The following GPHN variants were observed in gnomAD, a reference collection of about 807,000 sequenced individuals.
GPHN encodes gephyrin.
In GPHN, 17 loss-of-function variants were observed where a neutral mutation model predicts 95.5. That is an observed-to-expected ratio of 0.18 (90% confidence interval 0.12 to 0.27). The LOEUF is 0.27. GPHN is among the 10% of genes least tolerant of loss of function. The probability of loss-of-function intolerance (pLI) is 1.00; values close to 1 mark genes in which losing one functional copy is unlikely to be tolerated. For synonymous variants in GPHN, 320 were observed against 322.5 expected (o/e 0.99, Z 0.08); for missense variants, 660 against 978.1 (o/e 0.67, Z 4.34).
intron 21 of GPHN, among the ~76,000 whole-genome samples, chr14:67,179,342 T>C (rs928623172): frequency 1.3e-5 from 2 of 152,178 alleles, no homozygotes; most frequent in Admixed American, 1.3e-4. Context: ...GCTATGATCA[T>C]GCCACTGCAC....
At chr14:66,548,633 C>T (rs562751439) in intron 1 of GPHN, among the ~76,000 whole-genome samples, 4 of 152,140 alleles carry the variant, frequency 2.6e-5, no homozygotes, top group Non-Finnish European at 4.4e-5. Flanking sequence ...CAAAATATTC[C>T]CTGAGTATTG....
chr14:67,528,034 A>AT, the GPHN span, among the ~76,000 whole-genome samples: 2 of 152,206 alleles, frequency 1.3e-5, no homozygotes, highest in Admixed American at 6.5e-5. Context: ...CGGCAAGCAC[A>AT]TGATGAATGT....
intron 2 of GPHN, among the ~76,000 whole-genome samples, chr14:66,684,593 G>T (rs1013066511): frequency 6.6e-6 from 1 of 152,108 alleles, no homozygotes; most frequent in Non-Finnish European, 1.5e-5. Context: ...ACATACTCCA[G>T]TATTTTACTG....
chr14:67,419,653 G>GAGATC, the GPHN span, among the ~76,000 whole-genome samples: 1 of 152,140 alleles, frequency 6.6e-6, no homozygotes, highest in Non-Finnish European at 1.5e-5. Context: ...ATGAGGTCAG[G>GAGATC]AGATCGTGAC....
chr14:66,982,721 A>G (rs2070758580), intron 9 of GPHN, among the ~76,000 whole-genome samples: 1 of 152,136 alleles, frequency 6.6e-6, no homozygotes, highest in Non-Finnish European at 1.5e-5. Context: ...TTACTCCACA[A>G]TCCTCACAAT....
chr14:67,343,931 A>G, the GPHN span, among the ~76,000 whole-genome samples: 3 of 152,222 alleles, frequency 2.0e-5, no homozygotes, highest in African/African-American at 7.2e-5. Flanking sequence ...TTGATAACCT[A>G]CATGTCACAT....
At chr14:67,385,526 CT>C in the GPHN span, 1 of 151,910 alleles carries the variant, frequency 6.6e-6, no homozygotes, top group South Asian at 2.1e-4. Context: ...CCTACTGTAC[CT>C]TTCACTGATG....
chr14:67,221,642 C>G, the GPHN span: 1 of 1,315,612 alleles, frequency 7.6e-7, no homozygotes, highest in Non-Finnish European at 1.0e-6. Context: ...CAGCAATGGC[C>G]TAGGTTTGCT....
intron 4 of GPHN, among the ~76,000 whole-genome samples, chr14:66,835,728 G>T (rs2061773878): frequency 6.6e-6 from 1 of 151,988 alleles, no homozygotes; most frequent in South Asian, 2.1e-4. Context: ...TCCTTAAGCT[G>T]ATAAGCAACT....
the GPHN span, among the ~76,000 whole-genome samples, chr14:67,526,375 T>A: frequency 6.6e-6 from 1 of 152,258 alleles, no homozygotes; most frequent in Non-Finnish European, 1.5e-5. Context: ...GTAAGATGCC[T>A]GCTTGGAATG....
At chr14:67,235,983 T>C in the GPHN span, among the ~76,000 whole-genome samples, 1 of 152,128 alleles carries the variant, frequency 6.6e-6, no homozygotes, top group African/African-American at 2.4e-5. Flanking sequence ...AAAAATTAGA[T>C]ATATTTATGA....
chr14:67,715,632 C>G, the GPHN span, among the ~76,000 whole-genome samples: 1 of 152,200 alleles, frequency 6.6e-6, no homozygotes, highest in African/African-American at 2.4e-5. Context: ...CTATTTCAGT[C>G]CCCAATGCCA....
intron 13 of GPHN, among the ~76,000 whole-genome samples, chr14:67,107,764 A>T (rs991184686): frequency 6.6e-6 from 1 of 152,140 alleles, no homozygotes; most frequent in African/African-American, 2.4e-5. Context: ...GGGGCCAAGG[A>T]TCAACACAGA....
At chr14:67,306,171 T>C in the GPHN span, among the ~76,000 whole-genome samples, 1 of 152,196 alleles carries the variant, frequency 6.6e-6, no homozygotes, top group Admixed American at 6.5e-5. Context: ...GGTTTCACTA[T>C]GTTGGCCATG....
At chr14:67,387,563 T>C in the GPHN span, 2 of 1,129,264 alleles carry the variant, frequency 1.8e-6, no homozygotes, top group Non-Finnish European at 2.5e-6. Context: ...CATACAATGA[T>C]GTATTTATTA....
intron 2 of GPHN, among the ~76,000 whole-genome samples, chr14:66,696,706 T>A (rs1229067500): frequency 1.3e-5 from 2 of 152,182 alleles, no homozygotes; most frequent in East Asian, 3.9e-4. Context: ...CTCACTAGAC[T>A]GTGATGAAGT....
At chr14:67,397,798 C>G in the GPHN span, 1 of 1,612,350 alleles carries the variant, frequency 6.2e-7, no homozygotes, top group East Asian at 2.2e-5. Context: ...GATGAACCAT[C>G]GCGCCTTCCA....
intron 11 of GPHN, among the ~76,000 whole-genome samples, chr14:67,080,583 G>C (rs770879374): frequency 6.6e-6 from 1 of 151,772 alleles, no homozygotes; most frequent in Non-Finnish European, 1.5e-5. Flanking sequence ...AATTTTCTTT[G>C]TTGTTGTTTT....
chr14:66,959,611 T>C (rs961164387), intron 8 of GPHN, among the ~76,000 whole-genome samples: 1 of 152,156 alleles, frequency 6.6e-6, no homozygotes, highest in Non-Finnish European at 1.5e-5. Flanking sequence ...CTGACTGTCA[T>C]GGTTTCTTTT....
Sources: gnomAD v4.1 joint callset for allele counts (sites outside exome capture counted in the v4.1 genomes callset) on GRCh38, gnomAD v4.1.1 for gene constraint, MANE v1.5 for transcripts, NCBI Gene and HGNC (gene_info 2026-07-23, HGNC 2026-07-21) for gene names.